Variants in DCD observed in about 807,000 individuals in gnomAD.
The protein encoded by DCD is dermcidin, also known as diffusible survival/evasion peptide.
DCD carries 17 observed loss-of-function variants against 14.5 expected under a neutral mutation model. That is an observed-to-expected ratio of 1.18 (90% CI 0.81 to 1.76). The LOEUF (loss-of-function observed/expected upper bound fraction) is 1.76, where lower values mean the gene tolerates loss of function less well. Ranked by LOEUF, DCD falls within the 40% of genes most tolerant of loss-of-function variation. DCD has a pLI of 0.00. For missense variants in DCD, 139 were observed against 133.4 expected (o/e 1.04, Z -0.21); for synonymous variants, 64 against 54.0 (o/e 1.19, Z -0.82).
At chr12:54,645,101 G>A in intron 4 of DCD, 72 bp downstream of exon 4, 1 of 1,537,184 alleles carries the variant, frequency 6.5e-7, no homozygotes, top group South Asian at 1.1e-5. Context: ...GGGGGCTGTG[G>A]CAGTTTCAGA....
At position 54,644,600 on chromosome 12, in the gene DCD, C is replaced by G. The variant is rs1372111963; in HGVS notation, c.*113G>C. ...ACACATACTCCAAGTATTACAGATG[C>G]TTTCAGTTTAATAGCTGTTTTAAAT... On this transcript the variant is annotated 3_prime_UTR_variant, in exon 5 of 5. Transcript: ENST00000293371. 1.2e-6 allele frequency: 1 copy of G among 803,800 alleles called. No homozygotes were observed. Among genetic ancestry groups the G allele is most frequent in the Admixed American group, 2.8e-5 (1 of 35,266 alleles). 49.8% of individuals were successfully genotyped at this position (803,800 alleles called of 1,614,324 possible).
chr12:54,648,096 C>T, intron 1 of DCD, 150 bp downstream of exon 1: 2 of 801,684 alleles, frequency 2.5e-6, no homozygotes, highest in Non-Finnish European at 4.0e-6. Context: ...CCATAGAGTC[C>T]CTGTGTGGAG....
rs1958267448 is a variant in DCD, at chr12:54,647,101, G to A, written c.97+20C>T. The stretch of plus-strand genomic sequence containing the variant: ...ACCCTCCCACCCAGGACTGGGGCAG[G>A]AGGAAGAGAAAGGACTCACGGTTCC... On this transcript the variant is annotated intron_variant, in intron 2 of 4. Transcript: ENST00000293371. 6.4e-7 allele frequency: 1 copy of A among 1,554,580 alleles called. No homozygotes were observed. Among genetic ancestry groups the A allele is most frequent in the Non-Finnish European group, 8.7e-7 (1 of 1,148,284 alleles).
chr12:54,646,264 G>A (rs1487416090), intron 2 of DCD: 1 of 404,002 alleles, frequency 2.5e-6, no homozygotes, highest in South Asian at 1.8e-5. Context: ...GGCAGGGAGG[G>A]TGCAGGTGTG....
At chr12:54,646,288 G>A (rs934711316) in intron 2 of DCD, 9 of 382,000 alleles carry the variant, frequency 2.4e-5, no homozygotes, top group African/African-American at 1.9e-4. Flanking sequence ...TGTGGTTGGG[G>A]CTCGCAGTGC....
intron 4 of DCD, 85 bp downstream of exon 4, chr12:54,645,088 T>C (rs760769157): frequency 6.6e-6 from 10 of 1,517,842 alleles, no homozygotes; most frequent in African/African-American, 1.4e-5. Flanking sequence ...GGGTCTTCAA[T>C]GGGGGGGCTG....
At chr12:54,647,189 A>T in intron 1 of DCD, 30 bp from the exon 2 acceptor site, 1 of 1,554,904 alleles carries the variant, frequency 6.4e-7, no homozygotes, top group East Asian at 2.4e-5. Flanking sequence ...GACCATGTCA[A>T]GTAGGGCACA....
intron 3 of DCD, 141 bp from the exon 4 acceptor site, chr12:54,645,403 G>T (rs1958251186): frequency 3.2e-6 from 3 of 949,204 alleles, no homozygotes; most frequent in Non-Finnish European, 4.9e-6. Flanking sequence ...TCTGTCATGG[G>T]AAGGTTGGTA....
chr12:54,647,927 A>T (rs1378796735), intron 1 of DCD, among the ~76,000 whole-genome samples: 1 of 152,162 alleles, frequency 6.6e-6, no homozygotes, highest in Non-Finnish European at 1.5e-5. Flanking sequence ...AGGGGAAAAG[A>T]CAAGAGGATG....
intron 2 of DCD, chr12:54,646,191 G>C (rs778946497): frequency 2.2e-6 from 1 of 454,892 alleles, no homozygotes; most frequent in South Asian, 1.6e-5. Context: ...GGTGTGAAAC[G>C]CTCCAGGGGC....
Position 54,644,698 on chromosome 12 carries a change from A to G in DCD, c.*15T>C. Reference sequence around the variant, plus strand: ...CTGCTGCTCCTGGGTATCATTTCTCAGCTTCTCCTTACAGCTATAGTACTG... The same window carrying G: ...CTGCTGCTCCTGGGTATCATTTCTCGGCTTCTCCTTACAGCTATAGTACTG... On this transcript the variant is annotated 3_prime_UTR_variant, in exon 5 of 5. Coordinates refer to ENST00000293371, the MANE Select transcript of DCD (RefSeq NM_053283.4). 1.3e-6 allele frequency: 2 copies of G among 1,575,690 alleles called. No homozygotes were observed. The highest frequency in any genetic ancestry group is 1.7e-6 in the Non-Finnish European group (2 of 1,153,698).
Position 54,645,592 on chromosome 12 carries a change from G to A in DCD, c.199+14C>T. 6.2e-7 allele frequency: 1 copy of A among 1,610,880 alleles called. No homozygotes were observed. Among genetic ancestry groups the A allele is most frequent in the Non-Finnish European group, 8.5e-7 (1 of 1,177,150 alleles). On this transcript the variant is annotated intron_variant, in intron 3 of 4. Coordinates refer to ENST00000293371, the MANE Select transcript of DCD (RefSeq NM_053283.4). Reference sequence around the variant, plus strand: ...CATCAGAATTCTATACCAGGCATTGGGAAAGAGGCTTACCCAGAAGGCTGG... The same window carrying A: ...CATCAGAATTCTATACCAGGCATTGAGAAAGAGGCTTACCCAGAAGGCTGG...
In DCD at chr12:54,645,698, T is replaced by G. The variant is rs1958254610; in HGVS notation, c.107A>C (p.Glu36Ala). The change falls in exon 3 of 5, where the codon GAA (glutamate) becomes GCA (alanine). Residue 36 changes from glutamate to alanine, a missense_variant. Coordinates refer to ENST00000293371, the MANE Select transcript of DCD (RefSeq NM_053283.4). ...ATTTTCCTTTTGAGCTGCTGATGCT[T>G]CATGGCAAGCTGCAAGGGTAAGGGA... is the stretch of plus-strand genomic sequence containing the variant. ...SAPGSGNPCH[E>A]ASAAQKENAG... The G allele has an allele frequency of 6.2e-7, 1 of 1,613,908 alleles. No homozygotes were observed. The highest frequency in any genetic ancestry group is 1.1e-5 in the South Asian group (1 of 91,078).
At position 54,644,637 on chromosome 12, in the gene DCD, T is replaced by C; in HGVS notation, c.*76A>G. On this transcript the variant is annotated 3_prime_UTR_variant, in exon 5 of 5. Coordinates refer to ENST00000293371, the MANE Select transcript of DCD (RefSeq NM_053283.4). ...TAGCTGTTTTAAATTTTTTTTTTTT[T>C]TTTTTTTTTTAGGTTTTAGGCTGAA... The C allele has an allele frequency of 9.5e-7, 1 of 1,051,498 alleles. No homozygotes were observed. Among genetic ancestry groups the C allele is most frequent in the Non-Finnish European group, 1.4e-6 (1 of 727,400 alleles). 65.1% of individuals were successfully genotyped at this position (1,051,498 alleles called of 1,614,324 possible).
At chr12:54,647,220 C>A (rs1958268690) in intron 1 of DCD, 61 bp from the exon 2 acceptor site, 14 of 1,505,384 alleles carry the variant, frequency 9.3e-6, no homozygotes, top group Non-Finnish European at 1.3e-5. Flanking sequence ...CTGTATCCAG[C>A]CAGGGCTGCC....
Position 54,644,597 on chromosome 12 carries a change from A to T in DCD, c.*116T>A, listed in dbSNP as rs1370153243. On this transcript the variant is annotated 3_prime_UTR_variant, in exon 5 of 5. Coordinates refer to ENST00000293371, the MANE Select transcript of DCD (RefSeq NM_053283.4). Reference sequence around the variant, plus strand: ...CACACACATACTCCAAGTATTACAGATGCTTTCAGTTTAATAGCTGTTTTA... The same window carrying T: ...CACACACATACTCCAAGTATTACAGTTGCTTTCAGTTTAATAGCTGTTTTA... The T allele has an allele frequency of 1.3e-6, 1 of 787,916 alleles. No individual in the cohort carries two copies. The highest frequency in any genetic ancestry group is 2.0e-6 in the Non-Finnish European group (1 of 493,080). The allele number at this position is 787,916 out of a possible 1,614,324, so 48.8% of individuals were successfully genotyped here.
At chr12:54,645,311 T>A in intron 3 of DCD, 49 bp from the exon 4 acceptor site, 1 of 1,568,518 alleles carries the variant, frequency 6.4e-7, no homozygotes, top group Non-Finnish European at 8.8e-7. Context: ...AAAAACTACT[T>A]CCTTTGTAGG....
chr12:54,647,837 A>G (rs547188722), intron 1 of DCD, among the ~76,000 whole-genome samples: 14 of 152,358 alleles, frequency 9.2e-5, no homozygotes, highest in South Asian at 6.2e-4. Context: ...GAGGAAATAC[A>G]TGGACACAGA....
chr12:54,647,834 T>C (rs1236548072), intron 1 of DCD, among the ~76,000 whole-genome samples: 1 of 152,006 alleles, frequency 6.6e-6, no homozygotes, highest in East Asian at 1.9e-4. Context: ...TGTGAGGAAA[T>C]ACATGGACAC....
Sources: allele counts gnomAD v4.1 joint callset (sites outside exome capture counted in the v4.1 genomes callset), GRCh38; gene constraint gnomAD v4.1.1; transcripts MANE v1.5; gene names NCBI Gene and HGNC (gene_info 2026-07-23, HGNC 2026-07-21).